Variants in GPHN observed in about 807,000 individuals in gnomAD.
GPHN encodes the protein gephyrin.
Under a neutral mutation model 95.5 loss-of-function variants are expected in GPHN, and 17 were observed. The observed-to-expected ratio is 0.18, with a 90% CI of 0.12 to 0.27. The LOEUF (loss-of-function observed/expected upper bound fraction) is 0.27, where lower values mean the gene tolerates loss of function less well. Ranked by LOEUF, GPHN falls within the 10% of genes least tolerant of loss-of-function variation. The pLI is 1.00. For missense variants in GPHN, 660 were observed against 978.1 expected, an observed-to-expected ratio of 0.67 and a Z score of 4.34; for synonymous variants, 320 against 322.5, an observed-to-expected ratio of 0.99 and a Z score of 0.08.
At chr14:66,997,043 G>C (rs1352997329) in intron 9 of GPHN, among the ~76,000 whole-genome samples, 2 of 152,030 alleles carry the variant, frequency 1.3e-5, no homozygotes, top group Non-Finnish European at 2.9e-5. Flanking sequence ...AGAAGAAAGA[G>C]TATGTACCTT....
chr14:67,079,788 T>G (rs2064107713), intron 11 of GPHN, among the ~76,000 whole-genome samples: 1 of 152,084 alleles, frequency 6.6e-6, no homozygotes, highest in Non-Finnish European at 1.5e-5. Context: ...ATAACTATCA[T>G]TCTACTTTTT....
intron 5 of GPHN, among the ~76,000 whole-genome samples, chr14:66,910,764 G>A (rs2065632311): frequency 6.6e-6 from 1 of 151,894 alleles, no homozygotes; most frequent in South Asian, 2.1e-4. Flanking sequence ...TAACTTCCAG[G>A]AAAGCATTCT....
intron 2 of GPHN, among the ~76,000 whole-genome samples, chr14:66,772,979 CT>C (rs1340091124): frequency 2.0e-5 from 3 of 151,914 alleles, no homozygotes; most frequent in Non-Finnish European, 4.4e-5. Flanking sequence ...AATCACAGGA[CT>C]TTTTTTTCCC....
chr14:67,011,017 G>A (rs1003087000), intron 9 of GPHN, among the ~76,000 whole-genome samples: 1 of 152,084 alleles, frequency 6.6e-6, no homozygotes. Context: ...GTGTTTTGGG[G>A]TATTGAAAGC....
intron 16 of GPHN, among the ~76,000 whole-genome samples, chr14:67,117,600 C>T (rs958317622): frequency 6.6e-6 from 1 of 152,158 alleles, no homozygotes; most frequent in African/African-American, 2.4e-5. Context: ...GAGGAAATCT[C>T]TCCCAAAGCC....
chr14:67,359,530 A>T, the GPHN span: 1 of 1,086,346 alleles, frequency 9.2e-7, no homozygotes, highest in Non-Finnish European at 1.3e-6. Flanking sequence ...TAGACTCAAG[A>T]AAAGAACCTG....
intron 3 of GPHN, among the ~76,000 whole-genome samples, chr14:66,818,290 GTGTGTTGTTCCCCCA>G (rs1379497895): frequency 6.6e-6 from 1 of 152,020 alleles, no homozygotes; most frequent in Non-Finnish European, 1.5e-5. Context: ...ATGCCCCACT[GTGTGTTGTTCCCCCA>G]TGTGTTCTCA....
At chr14:67,522,127 C>T in the GPHN span, among the ~76,000 whole-genome samples, 1 of 152,118 alleles carries the variant, frequency 6.6e-6, no homozygotes, top group Non-Finnish European at 1.5e-5. Flanking sequence ...GAGCTGAGAT[C>T]GTGCCACTGC....
At chr14:67,240,989 C>G in the GPHN span, 4 of 152,272 alleles carry the variant, frequency 2.6e-5, no homozygotes, top group Admixed American at 2.0e-4. Context: ...CTTCAGGATA[C>G]GTCATCCAGA....
chr14:67,356,235 CATAGTG>C, the GPHN span, among the ~76,000 whole-genome samples: 1 of 152,016 alleles, frequency 6.6e-6, no homozygotes, highest in East Asian at 1.9e-4. Context: ...CCCTGGCCAA[CATAGTG>C]AAACCCCATC....
the GPHN span, among the ~76,000 whole-genome samples, chr14:67,287,703 T>A: frequency 2.0e-5 from 3 of 152,354 alleles, no homozygotes; most frequent in Admixed American, 6.5e-5. Context: ...CCTAGAAATT[T>A]ATTCTAAGGA....
the GPHN span, among the ~76,000 whole-genome samples, chr14:67,696,217 G>A: frequency 2.6e-5 from 4 of 152,020 alleles, no homozygotes; most frequent in Admixed American, 6.6e-5. Context: ...CGCGGTGTTT[G>A]TGAAATCTCT....
intron 9 of GPHN, among the ~76,000 whole-genome samples, chr14:67,019,992 T>C (rs138919494): frequency 1.3e-5 from 2 of 152,108 alleles, no homozygotes; most frequent in African/African-American, 4.8e-5. Flanking sequence ...TGTGTACAAG[T>C]GGGGTGGAGG....
At chr14:67,665,349 GAAGCAATCCTCCCACCTGCTC>G in the GPHN span, among the ~76,000 whole-genome samples, 1 of 148,160 alleles carries the variant, frequency 6.7e-6, no homozygotes, top group Non-Finnish European at 1.5e-5. Context: ...CTCCCAGGCT[GAAGCAATCCTCCCACCTGCTC>G]AAGCAATTCT....
chr14:66,855,361 T>G (rs1402113133), intron 4 of GPHN, among the ~76,000 whole-genome samples: 1 of 152,218 alleles, frequency 6.6e-6, no homozygotes, highest in Non-Finnish European at 1.5e-5. Context: ...AAATATTTCA[T>G]GTAAGTGCAG....
At chr14:67,620,021 T>C in the GPHN span, 2 of 1,610,998 alleles carry the variant, frequency 1.2e-6, 1 homozygote, top group South Asian at 2.2e-5. Flanking sequence ...CAGACGCGAG[T>C]GCATTCCATC....
intron 3 of GPHN, among the ~76,000 whole-genome samples, chr14:66,817,574 C>T (rs140703733): frequency 3.5e-4 from 54 of 152,256 alleles, no homozygotes; most frequent in African/African-American, 1.2e-3. Flanking sequence ...TTTCACAAGT[C>T]TGGGCTTTCT....
At chr14:66,944,873 A>G (rs1427500073) in intron 8 of GPHN, among the ~76,000 whole-genome samples, 1 of 152,240 alleles carries the variant, frequency 6.6e-6, no homozygotes, top group Non-Finnish European at 1.5e-5. Context: ...CCCTTGGGCC[A>G]TGCATCCCAG....
intron 1 of GPHN, among the ~76,000 whole-genome samples, chr14:66,619,055 C>A (rs927508176): frequency 6.6e-6 from 1 of 152,054 alleles, no homozygotes; most frequent in Non-Finnish European, 1.5e-5. Context: ...CTTCACTCAG[C>A]GTAAGTATTT....
Sources: gnomAD v4.1 joint callset for allele counts (sites outside exome capture counted in the v4.1 genomes callset) on GRCh38, gnomAD v4.1.1 for gene constraint, MANE v1.5 for transcripts, NCBI Gene and HGNC (gene_info 2026-07-23, HGNC 2026-07-21) for gene names.